The following MGAT4C variants were observed in gnomAD, a reference collection of about 807,000 sequenced individuals.
MGAT4C encodes the protein alpha-1,3-mannosyl-glycoprotein 4-beta-N-acetylglucosaminyltransferase C.
MGAT4C carries 19 observed loss-of-function variants against 40.1 expected under a neutral mutation model. The observed-to-expected ratio is 0.47, with a 90% CI of 0.33 to 0.70. MGAT4C has a LOEUF of 0.70. Among genes scored for constraint, MGAT4C ranks in the 30% least tolerant of loss-of-function variants. The pLI, the probability that MGAT4C is intolerant of heterozygous loss-of-function variation, is 0.02. For missense variants in MGAT4C, 491 were observed against 563.2 expected (o/e 0.87, Z 1.30); for synonymous variants, 181 against 187.1 (o/e 0.97, Z 0.27).
chr12:86,267,079 A>AT (rs554209836), intron 4 of MGAT4C, among the ~76,000 whole-genome samples: 420 of 148,546 alleles, frequency 2.8e-3, no homozygotes, highest in South Asian at 0.012. Flanking sequence ...ATCTTTTGTA[A>AT]TTTTTTTTTG....
chr12:86,498,287 A>G (rs1958278206), intron 2 of MGAT4C, among the ~76,000 whole-genome samples: 1 of 151,632 alleles, frequency 6.6e-6, no homozygotes, highest in South Asian at 2.1e-4. Context: ...CCCTTGAACA[A>G]CAGAGGTTTG....
At chr12:86,190,992 G>A (rs1158142996) in intron 1 of MGAT4C, among the ~76,000 whole-genome samples, 1 of 151,750 alleles carries the variant, frequency 6.6e-6, no homozygotes, top group African/African-American at 2.4e-5. Context: ...ACTCTTAGCT[G>A]AGTTTCCAGC....
chr12:86,607,539 G>A (rs1264698052), intron 2 of MGAT4C, among the ~76,000 whole-genome samples: 2 of 151,968 alleles, frequency 1.3e-5, no homozygotes, highest in African/African-American at 4.8e-5. Flanking sequence ...CTCCATCACA[G>A]GGCTGTTTAT....
At chr12:86,140,695 C>T (rs1882714444) in intron 1 of MGAT4C, among the ~76,000 whole-genome samples, 2 of 152,024 alleles carry the variant, frequency 1.3e-5, no homozygotes, top group Admixed American at 1.3e-4. Context: ...CCCTACCAAC[C>T]TTCACGTTCA....
chr12:86,249,574 C>A (rs1207296472), intron 1 of MGAT4C, among the ~76,000 whole-genome samples: 1 of 152,114 alleles, frequency 6.6e-6, no homozygotes, highest in African/African-American at 2.4e-5. Flanking sequence ...ATTTAAACAT[C>A]CAGCCAAGGA....
intron 2 of MGAT4C, among the ~76,000 whole-genome samples, chr12:86,680,101 C>A (rs1949952860): frequency 6.6e-6 from 1 of 151,862 alleles, no homozygotes; most frequent in South Asian, 2.1e-4. Flanking sequence ...ACATAGTCTC[C>A]AATAAACAGA....
intron 1 of MGAT4C, among the ~76,000 whole-genome samples, chr12:86,808,414 C>T (rs980394272): frequency 6.6e-6 from 1 of 152,064 alleles, no homozygotes; most frequent in African/African-American, 2.4e-5. Flanking sequence ...AGCAGCCCAT[C>T]AAAAAGCTTG....
chr12:86,691,095 G>T (rs748416295), intron 2 of MGAT4C, among the ~76,000 whole-genome samples: 2 of 152,142 alleles, frequency 1.3e-5, no homozygotes, highest in African/African-American at 2.4e-5. Context: ...AGGCTTCCTT[G>T]ATATTTCTCC....
chr12:86,724,311 G>T (rs1222939980), intron 2 of MGAT4C, among the ~76,000 whole-genome samples: 1 of 152,132 alleles, frequency 6.6e-6, no homozygotes, highest in Non-Finnish European at 1.5e-5. Flanking sequence ...TCCCCAAATT[G>T]TAATGCTTTA....
intron 2 of MGAT4C, among the ~76,000 whole-genome samples, chr12:86,489,363 G>A (rs1272369901): frequency 2.6e-5 from 4 of 152,032 alleles, no homozygotes; most frequent in African/African-American, 7.2e-5. Flanking sequence ...GTGACCTCTG[G>A]ACATGCGACC....
intron 4 of MGAT4C, among the ~76,000 whole-genome samples, chr12:86,274,553 G>A (rs1244813703): frequency 1.3e-5 from 2 of 152,116 alleles, no homozygotes; most frequent in South Asian, 2.1e-4. Context: ...TTTGGCTACC[G>A]AGTTTTTGCA....
intron 1 of MGAT4C, among the ~76,000 whole-genome samples, chr12:86,795,673 A>G (rs957646705): frequency 1.1e-4 from 16 of 151,896 alleles, no homozygotes; most frequent in African/African-American, 3.6e-4. Context: ...AGAGATGGAT[A>G]CATCTAAGCT....
At chr12:86,060,474 T>G (rs1893839900) in intron 1 of MGAT4C, among the ~76,000 whole-genome samples, 1 of 152,106 alleles carries the variant, frequency 6.6e-6, no homozygotes, top group Non-Finnish European at 1.5e-5. Flanking sequence ...ATACAATACT[T>G]GCAATAAAAT....
In MGAT4C at chr12:86,037,608, G is replaced by C. The variant is rs1425121903; in HGVS notation, c.-7+12066C>G. On this transcript the variant is annotated intron_variant, in intron 2 of 4. Transcript: ENST00000611864. ...CATGTAGTTGTGCAGTTTTGAGTGA[G>C]TTTCTTAATCCTGAGTTCTTATTTG... is the stretch of plus-strand genomic sequence containing the variant. Among the ~76,000 whole-genome samples the C allele has an allele frequency of 4.0e-5, 6 of 150,036 alleles. No homozygotes were observed. In the Admixed American group the frequency reaches 4.0e-4, roughly 10 times the overall value.
intron 1 of MGAT4C, among the ~76,000 whole-genome samples, chr12:86,061,646 C>G (rs1334651031): frequency 6.6e-6 from 1 of 152,068 alleles, no homozygotes; most frequent in Non-Finnish European, 1.5e-5. Context: ...GCTGCCAGCA[C>G]AGCGGTCTGA....
At chr12:86,335,621 T>C (rs1490071439) in intron 3 of MGAT4C, among the ~76,000 whole-genome samples, 1 of 152,136 alleles carries the variant, frequency 6.6e-6, no homozygotes, top group African/African-American at 2.4e-5. Flanking sequence ...CAAAATTACC[T>C]GGTGACCATC....
chr12:86,502,023 C>G (rs750341159), intron 2 of MGAT4C, among the ~76,000 whole-genome samples: 2 of 151,892 alleles, frequency 1.3e-5, no homozygotes, highest in African/African-American at 2.4e-5. Context: ...AAATTGGAAA[C>G]CTTTAAAATT....
chr12:86,629,612 C>A (rs1474485675), intron 2 of MGAT4C, among the ~76,000 whole-genome samples: 1 of 152,164 alleles, frequency 6.6e-6, no homozygotes, highest in East Asian at 1.9e-4. Context: ...CTCAAAACCG[C>A]CCAACTACAT....
chr12:86,162,540 G>A (rs1288969481), intron 1 of MGAT4C, among the ~76,000 whole-genome samples: 7 of 152,192 alleles, frequency 4.6e-5, no homozygotes, highest in African/African-American at 1.7e-4. Context: ...TGGGTACTAT[G>A]CTCATTATTT....
Sources: gnomAD v4.1 joint callset for allele counts (sites outside exome capture counted in the v4.1 genomes callset) on GRCh38, gnomAD v4.1.1 for gene constraint, MANE v1.5 for transcripts, NCBI Gene and HGNC (gene_info 2026-07-23, HGNC 2026-07-21) for gene names.